The following LSM14B variants were observed in gnomAD, a reference collection of about 807,000 sequenced individuals.
The protein encoded by LSM14B is LSM family member 14B, also known as protein LSM14 homolog B.
Under a neutral mutation model 42.1 loss-of-function variants are expected in LSM14B, and 8 were observed. The observed-to-expected ratio is 0.19, with a 90% CI of 0.11 to 0.34. The LOEUF (loss-of-function observed/expected upper bound fraction) is 0.34, where lower values mean the gene tolerates loss of function less well. Among genes scored for constraint, LSM14B ranks in the 10% least tolerant of loss-of-function variants. The pLI, the probability that LSM14B is intolerant of heterozygous loss-of-function variation, is 1.00. For synonymous variants in LSM14B, 219 were observed against 209.7 expected, an observed-to-expected ratio of 1.04 and a Z score of -0.38; for missense variants, 396 against 513.1, an observed-to-expected ratio of 0.77 and a Z score of 2.21.
At chr20:62,132,299 G>A (rs1277948160) in intron 7 of LSM14B, among the ~76,000 whole-genome samples, 2 of 152,254 alleles carry the variant, frequency 1.3e-5, no homozygotes, top group African/African-American at 4.8e-5. Flanking sequence ...GAGTCTGGGG[G>A]ATGGGTTCCT....
chr20:62,128,491 C>CT (rs199749774), intron 3 of LSM14B, among the ~76,000 whole-genome samples: 28 of 151,770 alleles, frequency 1.8e-4, no homozygotes, highest in East Asian at 5.8e-4. Context: ...ACAGAGTAGT[C>CT]TTTTTTTTTC....
chr20:62,124,071 T>C (rs1291041737), intron 1 of LSM14B, among the ~76,000 whole-genome samples: 2 of 152,244 alleles, frequency 1.3e-5, no homozygotes, highest in Non-Finnish European at 2.9e-5. Flanking sequence ...CAATTCCTTA[T>C]AGATGCGGAA....
rs2056728776 is a variant in LSM14B at position 62,130,259 on chromosome 20, G to A, written c.636G>A (p.Val212=). The change falls in exon 5 of 9, where the codon GTG becomes GTA. Residue 212 remains valine (V), a synonymous_variant. Coordinates refer to ENST00000279068, the MANE Select transcript of LSM14B (RefSeq NM_144703.3). The surrounding 1 kb of genome is among the most constrained non-coding windows in gnomAD (Gnocchi z 4.1). ...CAGCTGTGCAAGCTCAAGGGCAGGTGAATGACGAGAACAGAAGACCTCAGA... is the reference window on the plus strand; with the variant it reads ...CAGCTGTGCAAGCTCAAGGGCAGGTAAATGACGAGAACAGAAGACCTCAGA... ...QPAAVQAQGQ[V]NDENRRPQRR... 1.2e-6 allele frequency: 2 copies of A among 1,604,262 alleles called. No individual in the cohort carries two copies. Among genetic ancestry groups the A allele is most frequent in the African/African-American group, 1.3e-5 (1 of 74,734 alleles).
intron 6 of LSM14B, 110 bp from the exon 7 acceptor site, chr20:62,131,246 G>T: frequency 8.1e-7 from 1 of 1,227,968 alleles, no homozygotes; most frequent in Admixed American, 2.8e-5. Flanking sequence ...AGGCATAGTT[G>T]ATGTCTTAGC....
Position 62,130,520 on chromosome 20 carries a change from G to A in LSM14B, c.674-10G>A, listed in dbSNP as rs763915444. 1 of 1,613,254 alleles carries A rather than the reference G, an allele frequency of 6.2e-7. No homozygotes were observed. Among genetic ancestry groups the A allele is most frequent in the Non-Finnish European group, 8.5e-7 (1 of 1,179,468 alleles). ...CCTACTTCAGCCAGGGCTGTCCTTT[G>A]TCCTCACAGGAAACAGGCGAACAAG... On this transcript the variant is annotated splice_polypyrimidine_tract_variant and intron_variant, in intron 5 of 8. Transcript: ENST00000279068. This position sits in a 1 kb window ranked among gnomAD's most constrained non-coding sequence, Gnocchi z 4.1.
At chr20:62,126,506 G>C in intron 3 of LSM14B, 67 bp downstream of exon 3, 1 of 1,566,994 alleles carries the variant, frequency 6.4e-7, no homozygotes, top group Admixed American at 1.7e-5. Flanking sequence ...GAGCGATGGA[G>C]CCTGAGGGTG....
At chr20:62,132,142 G>T (rs1352789014) in intron 7 of LSM14B, among the ~76,000 whole-genome samples, 2 of 152,218 alleles carry the variant, frequency 1.3e-5, no homozygotes, top group Admixed American at 1.3e-4. Context: ...TTCATGTTCT[G>T]CCAGGGGAAA....
rs372815573 is a variant in LSM14B at position 62,130,020 on chromosome 20, A to ATT, written c.595+80_595+81dup. ...AAAGTGGCACACTACTTCCTGGGCT[A>ATT]TTTTTTTTTTTTTAATTAAAAAAAT... On this transcript the variant is annotated intron_variant, in intron 4 of 8. Coordinates refer to ENST00000279068, the MANE Select transcript of LSM14B (RefSeq NM_144703.3). The surrounding 1 kb of genome is among the most constrained non-coding windows in gnomAD (Gnocchi z 4.1). 166 of 1,227,538 alleles carry ATT rather than the reference A, an allele frequency of 1.4e-4. No individual in the cohort carries two copies. Among genetic ancestry groups the ATT allele is most frequent in the East Asian group, 5.8e-4 (21 of 36,096 alleles). The allele number at this position is 1,227,538 out of a possible 1,614,324, so 76.0% of individuals were successfully genotyped here.
At chr20:62,131,130 G>T (rs988524342) in intron 6 of LSM14B, among the ~76,000 whole-genome samples, 3 of 152,218 alleles carry the variant, frequency 2.0e-5, no homozygotes, top group Admixed American at 6.5e-5. Context: ...GAAGTGAGGT[G>T]CTGGGAGGTG....
chr20:62,126,235 C>T (rs748305365), intron 2 of LSM14B, 69 bp from the exon 3 acceptor site: 14 of 1,608,278 alleles, frequency 8.7e-6, no homozygotes, highest in African/African-American at 5.3e-5. Context: ...GCTGAACAAG[C>T]GCCCTGATGA....
chr20:62,127,082 C>T lies in LSM14B; in HGVS notation c.427+643C>T, dbSNP rs75280622. ...ATGTAGTATTACAGATGAAGTCTAG[C>T]TGTTTGCACATTTATAAGCCTGTAA... is the stretch of plus-strand genomic sequence containing the variant. On this transcript the variant is annotated intron_variant, in intron 3 of 8. Transcript: ENST00000279068. Among the ~76,000 whole-genome samples, 585 of 152,330 alleles carry T rather than the reference C, an allele frequency of 3.8e-3. 10 individuals carry two copies. The highest frequency in any genetic ancestry group is 0.024 in the Admixed American group (360 of 15,296).
chr20:62,128,375 G>C (rs2056665188), intron 3 of LSM14B, among the ~76,000 whole-genome samples: 1 of 152,228 alleles, frequency 6.6e-6, no homozygotes, highest in East Asian at 1.9e-4. Flanking sequence ...CCCGGCCCTG[G>C]TCCAGGTTGA....
rs2056846674 is a variant in LSM14B, at chr20:62,134,200, G to T, written c.*52G>T. On this transcript the variant is annotated 3_prime_UTR_variant, in exon 9 of 9. Transcript: ENST00000279068. ...GTGGCGCATAACTGACGCTGTGTGT[G>T]TCAGGACGCGAGGAAAACGCTGCAC... is the stretch of plus-strand genomic sequence containing the variant. 2 of 470,684 alleles carry T rather than the reference G, an allele frequency of 4.2e-6. No individual in the cohort carries two copies. The highest frequency in any genetic ancestry group is 4.0e-5 in the African/African-American group (2 of 49,996). 29.2% of individuals were successfully genotyped at this position (470,684 alleles called of 1,614,324 possible).
At chr20:62,126,841 A>G (rs1187139046) in intron 3 of LSM14B, among the ~76,000 whole-genome samples, 2 of 152,146 alleles carry the variant, frequency 1.3e-5, no homozygotes, top group Non-Finnish European at 2.9e-5. Context: ...TACTAGAAAT[A>G]CAAAAATTAG....
intron 3 of LSM14B, chr20:62,127,861 G>A (rs1467240900): frequency 1.4e-6 from 1 of 719,446 alleles, no homozygotes; most frequent in Admixed American, 2.0e-5. Context: ...CCTGATTGAT[G>A]AACTCTCAGT....
chr20:62,124,209 C>T (rs1156901924), intron 1 of LSM14B, among the ~76,000 whole-genome samples: 5 of 152,258 alleles, frequency 3.3e-5, no homozygotes, highest in Non-Finnish European at 7.3e-5. Flanking sequence ...GAGAAAACTG[C>T]CTCCTCAGGC....
intron 7 of LSM14B, among the ~76,000 whole-genome samples, chr20:62,132,746 A>C (rs2056801818): frequency 6.6e-6 from 1 of 152,082 alleles, no homozygotes; most frequent in Admixed American, 6.5e-5. Context: ...CTGCGTCGGT[A>C]GGAGTGCTGG....
intron 2 of LSM14B, among the ~76,000 whole-genome samples, chr20:62,126,018 G>A (rs922205988): frequency 2.6e-5 from 4 of 152,138 alleles, no homozygotes; most frequent in African/African-American, 4.8e-5. Context: ...CTGAGATCAC[G>A]CCATTGCACT....
At chr20:62,124,222 A>T (rs748219443) in intron 1 of LSM14B, among the ~76,000 whole-genome samples, 1 of 152,266 alleles carries the variant, frequency 6.6e-6, no homozygotes, top group African/African-American at 2.4e-5. Context: ...CCTCAGGCGC[A>T]ATGTGCGGTG....
Sources: gnomAD v4.1 joint callset for allele counts (sites outside exome capture counted in the v4.1 genomes callset) on GRCh38, gnomAD v4.1.1 for gene constraint, Gnocchi (gnomAD v3.1) non-coding constraint, MANE v1.5 for transcripts, NCBI Gene and HGNC (gene_info 2026-07-23, HGNC 2026-07-21) for gene names.